Variants in RAD21L1 observed in about 807,000 individuals in gnomAD.
RAD21L1 encodes double-strand-break repair protein rad21-like protein 1.
In RAD21L1, 47 loss-of-function variants were observed where a neutral mutation model predicts 69.0. The observed-to-expected ratio is 0.68, with a 90% CI of 0.54 to 0.87. The LOEUF is 0.87. Ranked by LOEUF, RAD21L1 falls within the 40% of genes least tolerant of loss-of-function variation. RAD21L1 has a pLI of 0.00. For missense variants in RAD21L1, 583 were observed against 647.6 expected (o/e 0.90, Z 1.08); for synonymous variants, 177 against 205.8 (o/e 0.86, Z 1.20).
At chr20:1,237,906 TA>T in intron 5 of RAD21L1, 137 bp from the exon 6 acceptor site, 1 of 481,570 alleles carries the variant, frequency 2.1e-6, no homozygotes. Context: ...ATAATTCAAG[TA>T]AGTCTTTCAG....
At chr20:1,244,974 AG>A (rs2087690438) in intron 11 of RAD21L1, among the ~76,000 whole-genome samples, 1 of 152,208 alleles carries the variant, frequency 6.6e-6, no homozygotes, top group Non-Finnish European at 1.5e-5. Context: ...CTGGGTTGCT[AG>A]TACTACTCTC....
chr20:1,251,023 T>G (rs1276280125), intron 13 of RAD21L1, among the ~76,000 whole-genome samples: 3 of 152,176 alleles, frequency 2.0e-5, no homozygotes, highest in Non-Finnish European at 2.9e-5. Flanking sequence ...TCTGTGGTTT[T>G]GGGTGCTTTG....
chr20:1,228,583 A>G lies in RAD21L1; in HGVS notation c.130A>G (p.Ile44Val), dbSNP rs1355744539. 6.5e-7 allele frequency: 1 copy of G among 1,542,692 alleles called. No individual in the cohort carries two copies. The highest frequency in any genetic ancestry group is 2.1e-5 in the Admixed American group (1 of 48,748). ...ECNLEITIEK[I>V]LSPKVKIALR... ...TAATCTAGAGATAACCATTGAAAAA[A>G]TTCTTTCACCCAAGGTATGTTACTG... is the stretch of plus-strand genomic sequence containing the variant. Residue 44 changes from isoleucine to valine, a missense_variant, in exon 2 of 14, where the codon ATT becomes GTT. Transcript: ENST00000683101.
Position 1,255,785 on chromosome 20 carries a change from T to C in RAD21L1, c.*1328T>C, listed in dbSNP as rs960960515. Among the ~76,000 whole-genome samples the C allele has an allele frequency of 2.6e-5, 4 of 152,196 alleles. No individual in the cohort carries two copies. Among genetic ancestry groups the C allele is most frequent in the Non-Finnish European group, 4.4e-5 (3 of 68,032 alleles). On this transcript the variant is annotated 3_prime_UTR_variant, in exon 14 of 14. Coordinates refer to ENST00000683101, the MANE Select transcript of RAD21L1 (RefSeq NM_001384355.1). The stretch of plus-strand genomic sequence containing the variant: ...ACCACTCTTCTCCATGACTACACTT[T>C]TGTCTTTTTGAAAATGTCACACAGA...
At chr20:1,248,891 C>T (rs566753572) in intron 13 of RAD21L1, among the ~76,000 whole-genome samples, 188 bp downstream of exon 13, 84 of 152,196 alleles carry the variant, frequency 5.5e-4, no homozygotes, top group African/African-American at 2.0e-3. Context: ...TTGGTGCCTG[C>T]ATATTCTAAT....
At chr20:1,243,572 G>A (rs1244403478) in intron 10 of RAD21L1, among the ~76,000 whole-genome samples, 1 of 152,130 alleles carries the variant, frequency 6.6e-6, no homozygotes, top group African/African-American at 2.4e-5. Context: ...GTAAGGATAA[G>A]AACAGCACTT....
chr20:1,231,588 G>C lies in RAD21L1; in HGVS notation c.337G>C (p.Glu113Gln). The C allele has an allele frequency of 6.5e-7, 1 of 1,530,826 alleles. No homozygotes were observed. Among genetic ancestry groups the C allele is most frequent in the South Asian group, 1.2e-5 (1 of 81,490 alleles). 94.8% of individuals were successfully genotyped at this position (1,530,826 alleles called of 1,614,324 possible). A position where few individuals can be genotyped will look rare whatever the true frequency, so the allele number is the denominator to read the frequency against. Residue 113 changes from glutamate (E) to glutamine (Q), a missense_variant, in exon 4 of 14, where the codon GAA becomes CAA. Coordinates refer to ENST00000683101, the MANE Select transcript of RAD21L1 (RefSeq NM_001384355.1). ...TTACAATGCTATCACATTGCCAGAA[G>C]AATTTCATGATTTTGACACCCAAAA... is the stretch of plus-strand genomic sequence containing the variant. Reference protein sequence around the residue: ...ASYNAITLPEEFHDFDTQNMN... With the variant: ...ASYNAITLPEQFHDFDTQNMN...
At chr20:1,238,276 A>G in intron 6 of RAD21L1, 62 bp downstream of exon 6, 1 of 1,128,194 alleles carries the variant, frequency 8.9e-7, no homozygotes, top group Non-Finnish European at 1.2e-6. Flanking sequence ...ACAATATATT[A>G]GTAGATTTAT....
Position 1,229,970 on chromosome 20 carries a change from A to C in RAD21L1, c.235A>C (p.Ser79Arg). ...GGCAAAATATCTTTTGGCAGATTGC[A>C]GTGAAGCATTTCTTAAAATGAAGAT... The part of the protein sequence containing the change: ...RKAKYLLADC[S>R]EAFLKMKMTF... The change falls in exon 3 of 14, where the codon AGT becomes CGT. Residue 79 changes from serine to arginine, a missense_variant. By Grantham distance (110) the Ser-to-Arg change is moderately radical. Coordinates refer to ENST00000683101, the MANE Select transcript of RAD21L1 (RefSeq NM_001384355.1). The C allele has an allele frequency of 6.4e-7, 1 of 1,550,730 alleles. No individual in the cohort carries two copies. The highest frequency in any genetic ancestry group is 1.2e-5 in the South Asian group (1 of 83,970).
chr20:1,238,008 T>G, intron 5 of RAD21L1, 36 bp from the exon 6 acceptor site: 1 of 1,159,814 alleles, frequency 8.6e-7, no homozygotes, highest in Non-Finnish European at 1.2e-6. Context: ...ATTCTGTGTT[T>G]CTATGAATTA....
intron 12 of RAD21L1, among the ~76,000 whole-genome samples, chr20:1,248,045 C>A (rs1381725239): frequency 8.7e-3 from 622 of 71,674 alleles, no homozygotes; most frequent in Middle Eastern, 0.039. Flanking sequence ...CCTTAAATAC[C>A]AAAAAAAAAA....
intron 1 of RAD21L1, among the ~76,000 whole-genome samples, 151 bp from the exon 2 acceptor site, chr20:1,228,271 G>A (rs1169748847): frequency 6.6e-6 from 1 of 152,078 alleles, no homozygotes; most frequent in Non-Finnish European, 1.5e-5. Flanking sequence ...TTCTAAATAA[G>A]TTTCTCTTAT....
intron 13 of RAD21L1, among the ~76,000 whole-genome samples, chr20:1,251,341 G>A (rs2087827485): frequency 1.3e-5 from 2 of 148,336 alleles, no homozygotes; most frequent in South Asian, 2.1e-4. Flanking sequence ...TATTATCCCG[G>A]GCACTCTGGA....
At chr20:1,238,429 A>G (rs2087543350) in intron 6 of RAD21L1, among the ~76,000 whole-genome samples, 1 of 152,136 alleles carries the variant, frequency 6.6e-6, no homozygotes, top group South Asian at 2.1e-4. Context: ...TATTTTCTAT[A>G]GAGGTTATGA....
In RAD21L1 at chr20:1,238,047, A is replaced by G. The variant is rs2087535485; in HGVS notation, c.479A>G (p.Glu160Gly). 1.4e-6 allele frequency: 2 copies of G among 1,481,198 alleles called. No individual in the cohort carries two copies. Among genetic ancestry groups the G allele is most frequent in the Non-Finnish European group, 9.1e-7 (1 of 1,093,714 alleles). 91.8% of individuals were successfully genotyped at this position (1,481,198 alleles called of 1,614,324 possible). A position where few individuals can be genotyped will look rare whatever the true frequency, so the allele number is the denominator to read the frequency against. Reference sequence around the variant, plus strand: ...TTAATGATATATATTTATTTAGGGGAGGAATCTGAAATTCTCAGAAGACAT... The same window carrying G: ...TTAATGATATATATTTATTTAGGGGGGGAATCTGAAATTCTCAGAAGACAT... ...DLIFQAESFG[E>G]ESEILRRHSF... is the part of the protein sequence containing the mutation. Residue 160 changes from glutamate (E) to glycine (G), a missense_variant, in exon 6 of 14, where the codon GAG (glutamate) becomes GGG (glycine). Glu to Gly is a moderately conservative substitution (Grantham distance 98). Transcript: ENST00000683101.
chr20:1,234,264 C>A, intron 5 of RAD21L1, 73 bp downstream of exon 5: 1 of 712,144 alleles, frequency 1.4e-6, no homozygotes, highest in Non-Finnish European at 2.5e-6. Context: ...GAAATAATGC[C>A]AGTAGACGTA....
chr20:1,232,886 A>G (rs75917399), intron 4 of RAD21L1, among the ~76,000 whole-genome samples: 4,171 of 152,266 alleles, frequency 0.027, 202 homozygotes, highest in African/African-American at 0.094. Context: ...TGATTAAGTC[A>G]TAAGAGAAGT....
At chr20:1,248,045 C>CAACAA (rs2087751783) in intron 12 of RAD21L1, among the ~76,000 whole-genome samples, 1 of 71,928 alleles carries the variant, frequency 1.4e-5, no homozygotes, top group Non-Finnish European at 2.5e-5. Flanking sequence ...CCTTAAATAC[C>CAACAA]AAAAAAAAAA....
chr20:1,253,322 A>G (rs535877303), intron 13 of RAD21L1, among the ~76,000 whole-genome samples: 1 of 152,154 alleles, frequency 6.6e-6, no homozygotes, highest in Admixed American at 6.5e-5. Context: ...TTTTTGTGAC[A>G]GGGTATCACT....
Sources: gnomAD v4.1 joint callset for allele counts (sites outside exome capture counted in the v4.1 genomes callset) on GRCh38, gnomAD v4.1.1 for gene constraint, MANE v1.5 for transcripts, NCBI Gene and HGNC (gene_info 2026-07-23, HGNC 2026-07-21) for gene names.